Variants in GAS7 observed in about 807,000 individuals in gnomAD.
The protein encoded by GAS7 is growth arrest specific 7, also known as growth arrest-specific protein 7.
GAS7 carries 28 observed loss-of-function variants against 71.1 expected under a neutral mutation model. The observed-to-expected ratio is 0.39, with a 90% CI of 0.29 to 0.54. The LOEUF is 0.54. GAS7 is among the 20% of genes least tolerant of loss of function. The pLI is 0.62. For missense variants in GAS7, 436 were observed against 627.8 expected, an observed-to-expected ratio of 0.69 and a Z score of 3.27; for synonymous variants, 258 against 245.8, an observed-to-expected ratio of 1.05 and a Z score of -0.46.
At chr17:9,990,097 A>G (rs1360232482) in intron 2 of GAS7, among the ~76,000 whole-genome samples, 2 of 152,112 alleles carry the variant, frequency 1.3e-5, no homozygotes, top group East Asian at 1.9e-4. Flanking sequence ...GTGAAACCCC[A>G]TCTCTACTAA....
chr17:10,095,155 G>A (rs999201445), intron 1 of GAS7, among the ~76,000 whole-genome samples: 1 of 152,202 alleles, frequency 6.6e-6, no homozygotes, highest in Non-Finnish European at 1.5e-5. Flanking sequence ...TATGGACGCT[G>A]AATGTGCCAA....
chr17:10,069,680 G>A (rs1444275427), intron 1 of GAS7, among the ~76,000 whole-genome samples: 3 of 152,080 alleles, frequency 2.0e-5, no homozygotes, highest in Admixed American at 6.6e-5. Context: ...AGTATCTCCC[G>A]GGAGCCTATC....
chr17:9,948,432 C>T (rs895235639), intron 5 of GAS7, among the ~76,000 whole-genome samples: 1 of 152,202 alleles, frequency 6.6e-6, no homozygotes, highest in Non-Finnish European at 1.5e-5. Flanking sequence ...CGCCTGTAAT[C>T]CCAGCACTTT....
chr17:10,049,183 G>A (rs1296287266), intron 1 of GAS7, among the ~76,000 whole-genome samples: 1 of 152,208 alleles, frequency 6.6e-6, no homozygotes, highest in African/African-American at 2.4e-5. Flanking sequence ...GCAACACTGT[G>A]CTATGTAAGG....
chr17:10,064,200 T>C (rs1261963709), intron 1 of GAS7, among the ~76,000 whole-genome samples: 1 of 152,144 alleles, frequency 6.6e-6, no homozygotes, highest in African/African-American at 2.4e-5. Context: ...TTTCCCGGGC[T>C]CCACGACACG....
chr17:10,090,574 A>G (rs1012060049), intron 1 of GAS7, among the ~76,000 whole-genome samples: 10 of 152,172 alleles, frequency 6.6e-5, no homozygotes, highest in Admixed American at 5.2e-4. Context: ...AAACTCCATC[A>G]TGCTAGCCCT....
At chr17:10,035,214 C>T (rs2072719293) in intron 1 of GAS7, among the ~76,000 whole-genome samples, 1 of 152,080 alleles carries the variant, frequency 6.6e-6, no homozygotes, top group African/African-American at 2.4e-5. Flanking sequence ...TGCCAGAACT[C>T]CCTGTGCCCT....
intron 2 of GAS7, among the ~76,000 whole-genome samples, chr17:10,018,625 C>G (rs2072134766): frequency 6.6e-6 from 1 of 152,194 alleles, no homozygotes; most frequent in South Asian, 2.1e-4. Context: ...CGCTAGAACA[C>G]CCCTCTTGAG....
At chr17:9,930,681 C>G (rs2068177229) in intron 9 of GAS7, among the ~76,000 whole-genome samples, 1 of 152,210 alleles carries the variant, frequency 6.6e-6, no homozygotes, top group African/African-American at 2.4e-5. Context: ...GCTTTTACCC[C>G]TGACACAGAG....
chr17:10,161,033 C>G (rs1181028299), intron 1 of GAS7, among the ~76,000 whole-genome samples: 1 of 151,790 alleles, frequency 6.6e-6, no homozygotes, highest in Admixed American at 6.6e-5. Flanking sequence ...TCAAGAGTGT[C>G]TGGCCTTCAG....
At chr17:9,954,626 A>G (rs2069154414) in intron 5 of GAS7, among the ~76,000 whole-genome samples, 1 of 152,212 alleles carries the variant, frequency 6.6e-6, no homozygotes, top group East Asian at 1.9e-4. Flanking sequence ...CCCCCACCCC[A>G]GAAACATCTA....
rs1253408513 is a variant in GAS7 at position 9,974,509 on chromosome 17, T to C, written c.386-4747A>G. ...AAGGGAACATAATTCAGTCTGGAGATACAAGGAAAAAAAAAAAGCAAATGT... is the reference window on the plus strand; with the variant it reads ...AAGGGAACATAATTCAGTCTGGAGACACAAGGAAAAAAAAAAAGCAAATGT... On this transcript the variant is annotated intron_variant, in intron 3 of 13. Coordinates refer to ENST00000432992, the MANE Select transcript of GAS7 (RefSeq NM_201433.2). The surrounding 1 kb of genome is among the most constrained non-coding windows in gnomAD (Gnocchi z 4.0). Among the ~76,000 whole-genome samples, 1 of 150,110 alleles carries C rather than the reference T, an allele frequency of 6.7e-6. No homozygotes were observed. Among genetic ancestry groups the C allele is most frequent in the African/African-American group, 2.5e-5 (1 of 40,708 alleles).
chr17:9,951,757 T>C (rs1256352765), intron 5 of GAS7, among the ~76,000 whole-genome samples: 1 of 43,478 alleles, frequency 2.3e-5, no homozygotes, highest in Admixed American at 3.4e-4. Flanking sequence ...CAAAACTCTG[T>C]CTCAAAAAAA....
In GAS7 at chr17:10,034,736, C is replaced by T. The variant is rs1006087098; in HGVS notation, c.184-14839G>A. 1.3e-5 allele frequency among the ~76,000 whole-genome samples: 2 copies of T among 152,232 alleles called. No homozygotes were observed. The highest frequency in any genetic ancestry group is 2.4e-5 in the African/African-American group (1 of 41,464). On this transcript the variant is annotated intron_variant, in intron 1 of 13. Transcript: ENST00000432992. The surrounding 1 kb of genome is among the most constrained non-coding windows in gnomAD (Gnocchi z 4.4). ...AGGAGGCATCTGACTGTTCCTGAAA[C>T]GTGGGCTGTGCCCCAAACACCAAGG...
At chr17:9,953,485 C>T (rs150600992) in intron 5 of GAS7, among the ~76,000 whole-genome samples, 2 of 152,210 alleles carry the variant, frequency 1.3e-5, no homozygotes, top group East Asian at 3.9e-4. Context: ...CTCTTTAGGG[C>T]TTTGCATGTA....
intron 1 of GAS7, among the ~76,000 whole-genome samples, chr17:10,067,371 A>T (rs892475568): frequency 1.3e-5 from 2 of 152,158 alleles, no homozygotes; most frequent in Non-Finnish European, 1.5e-5. Context: ...CAGCCTCCCA[A>T]GTAGCTGGGA....
chr17:10,131,840 T>C (rs2073999927), intron 1 of GAS7, among the ~76,000 whole-genome samples: 1 of 152,142 alleles, frequency 6.6e-6, no homozygotes, highest in African/African-American at 2.4e-5. Flanking sequence ...CATGTGCTCA[T>C]GAGTGTATTA....
chr17:10,179,725 A>G (rs1465715475), intron 1 of GAS7, among the ~76,000 whole-genome samples: 1 of 152,218 alleles, frequency 6.6e-6, no homozygotes, highest in African/African-American at 2.4e-5. Flanking sequence ...ATGGTGCTAA[A>G]ACCAGACAAA....
chr17:10,183,068 T>A (rs1029586446), intron 1 of GAS7, among the ~76,000 whole-genome samples: 1 of 151,976 alleles, frequency 6.6e-6, no homozygotes, highest in Admixed American at 6.6e-5. Context: ...AAACTAGCAA[T>A]GGCCAGACGC....
Sources: gnomAD v4.1 joint callset for allele counts (sites outside exome capture counted in the v4.1 genomes callset) on GRCh38, gnomAD v4.1.1 for gene constraint, Gnocchi (gnomAD v3.1) non-coding constraint, MANE v1.5 for transcripts, NCBI Gene and HGNC (gene_info 2026-07-23, HGNC 2026-07-21) for gene names.